Variants in BLTP1 observed in about 807,000 individuals in gnomAD.
The protein encoded by BLTP1 is bridge-like lipid transfer protein family member 1.
chr4:122,319,963 T>C, the BLTP1 span, among the ~76,000 whole-genome samples: 1 of 152,188 alleles, frequency 6.6e-6, no homozygotes, highest in African/African-American at 2.4e-5. Context: ...GATGAAGTTG[T>C]CTGTAGGTGT....
chr4:122,242,702 C>A, the BLTP1 span, among the ~76,000 whole-genome samples: 14 of 152,168 alleles, frequency 9.2e-5, no homozygotes, highest in East Asian at 3.9e-4. Context: ...CTAAAATTAG[C>A]TTGAGAAAAA....
At chr4:122,175,568 TATG>T in the BLTP1 span, among the ~76,000 whole-genome samples, 3 of 152,292 alleles carry the variant, frequency 2.0e-5, no homozygotes, top group South Asian at 2.1e-4. Context: ...ATTAGAAGAA[TATG>T]ATATTTCAAA....
At chr4:122,237,660 A>T in the BLTP1 span, 1 of 758,172 alleles carries the variant, frequency 1.3e-6, no homozygotes, top group Non-Finnish European at 1.6e-6. Context: ...ATACTTATGT[A>T]GATATATTTC....
At chr4:122,172,730 G>C in the BLTP1 span, among the ~76,000 whole-genome samples, 1 of 152,078 alleles carries the variant, frequency 6.6e-6, no homozygotes, top group African/African-American at 2.4e-5. Flanking sequence ...AGGTGAATTT[G>C]TTTCAGAATA....
the BLTP1 span, among the ~76,000 whole-genome samples, chr4:122,293,580 G>A: frequency 1.1e-4 from 16 of 152,040 alleles, no homozygotes; most frequent in African/African-American, 3.9e-4. Context: ...GCACAGAGCT[G>A]TGTGGAGTCT....
the BLTP1 span, chr4:122,333,740 A>T: frequency 6.2e-7 from 1 of 1,612,262 alleles, no homozygotes; most frequent in Non-Finnish European, 8.5e-7. Context: ...AGAAAGTGCC[A>T]TCATCTCTAC....
chr4:122,263,404 TATAA>T, the BLTP1 span: 1 of 1,522,634 alleles, frequency 6.6e-7, no homozygotes, highest in Admixed American at 2.3e-5. Flanking sequence ...CTCCTTAGTA[TATAA>T]ATAATATTAT....
the BLTP1 span, among the ~76,000 whole-genome samples, chr4:122,153,307 T>C: frequency 6.6e-6 from 1 of 152,210 alleles, no homozygotes; most frequent in African/African-American, 2.4e-5. Flanking sequence ...TAGTGGTTTC[T>C]GCTTTCACCC....
chr4:122,224,501 C>A, the BLTP1 span: 1 of 1,609,314 alleles, frequency 6.2e-7, no homozygotes. Flanking sequence ...TTTTCAGCAG[C>A]GACCCCCTGT....
At chr4:122,357,696 T>C in the BLTP1 span, among the ~76,000 whole-genome samples, 3 of 152,152 alleles carry the variant, frequency 2.0e-5, no homozygotes, top group Non-Finnish European at 4.4e-5. Flanking sequence ...ACAAAATATA[T>C]GGCCATTTAT....
the BLTP1 span, among the ~76,000 whole-genome samples, chr4:122,245,759 A>G: frequency 6.6e-6 from 1 of 152,122 alleles, no homozygotes; most frequent in Non-Finnish European, 1.5e-5. Flanking sequence ...TTTAATATAT[A>G]TTGGCATTTC....
the BLTP1 span, chr4:122,188,999 T>A: frequency 1.0e-6 from 1 of 985,212 alleles, no homozygotes; most frequent in Non-Finnish European, 1.2e-6. Flanking sequence ...CTCTTCAAGA[T>A]CATGGACTTG....
At chr4:122,210,884 C>A in the BLTP1 span, 1 of 1,608,582 alleles carries the variant, frequency 6.2e-7, no homozygotes, top group Non-Finnish European at 8.5e-7. Flanking sequence ...TAATTTATTA[C>A]AGTATCAGAA....
the BLTP1 span, among the ~76,000 whole-genome samples, chr4:122,284,358 A>C: frequency 6.6e-6 from 1 of 152,148 alleles, no homozygotes; most frequent in Admixed American, 6.5e-5. Context: ...CATTACATGA[A>C]TAAGTCTGAT....
At chr4:122,352,792 T>C in the BLTP1 span, 1 of 1,347,342 alleles carries the variant, frequency 7.4e-7, no homozygotes, top group Non-Finnish European at 1.0e-6. Flanking sequence ...CTGGACACTG[T>C]TTTCATCCCT....
chr4:122,263,329 A>T, the BLTP1 span: 2 of 1,421,188 alleles, frequency 1.4e-6, no homozygotes, highest in Non-Finnish European at 1.8e-6. Flanking sequence ...AGAATTCAAA[A>T]CCATCTGCAA....
chr4:122,211,674 T>A, the BLTP1 span, among the ~76,000 whole-genome samples: 1 of 152,122 alleles, frequency 6.6e-6, no homozygotes, highest in Non-Finnish European at 1.5e-5. Flanking sequence ...GTTGACTCAT[T>A]TTGGTATAAT....
the BLTP1 span, chr4:122,208,095 A>G: frequency 1.0e-6 from 1 of 984,490 alleles, no homozygotes; most frequent in Non-Finnish European, 1.2e-6. Flanking sequence ...GATAACCAGT[A>G]GTACTTGTAG....
the BLTP1 span, chr4:122,200,583 C>CAA: frequency 2.8e-3 from 2,477 of 897,302 alleles, 1 homozygote; most frequent in Middle Eastern, 2.9e-3. Context: ...CGTCTCAAAA[C>CAA]AAAAAAAAAA....
Sources: gnomAD v4.1 joint callset for allele counts (sites outside exome capture counted in the v4.1 genomes callset) on GRCh38, gnomAD v4.1.1 for gene constraint, MANE v1.5 for transcripts, NCBI Gene and HGNC (gene_info 2026-07-23, HGNC 2026-07-21) for gene names.